The following ABHD3 variants were observed in gnomAD, a reference collection of about 807,000 sequenced individuals.
ABHD3 encodes phospholipase ABHD3.
A neutral mutation model predicts 48.8 loss-of-function variants in ABHD3; 46 were observed. The ratio of observed to expected loss-of-function variants is 0.94; its 90% CI spans 0.74 to 1.20. ABHD3 has a LOEUF of 1.20. Ranked by LOEUF, ABHD3 falls within the 50% of genes most tolerant of loss-of-function variation. The pLI, the probability that ABHD3 is intolerant of heterozygous loss-of-function variation, is 0.00. For synonymous variants in ABHD3, 192 were observed against 183.7 expected, an observed-to-expected ratio of 1.04 and a Z score of -0.36; for missense variants, 490 against 497.8, an observed-to-expected ratio of 0.98 and a Z score of 0.15.
intron 4 of ABHD3, among the ~76,000 whole-genome samples, chr18:21,681,388 A>T (rs2040001579): frequency 6.6e-6 from 1 of 152,000 alleles, no homozygotes; most frequent in Non-Finnish European, 1.5e-5. Flanking sequence ...CCACAATACG[A>T]CTAATACTAT....
At chr18:21,696,011 T>G (rs1218904118) in intron 3 of ABHD3, among the ~76,000 whole-genome samples, 1 of 152,216 alleles carries the variant, frequency 6.6e-6, no homozygotes. Flanking sequence ...AATACAATGG[T>G]AAATGAAGGC....
intron 3 of ABHD3, chr18:21,701,848 C>T (rs926945362): frequency 1.3e-5 from 2 of 152,324 alleles, no homozygotes; most frequent in Non-Finnish European, 2.9e-5. Context: ...CAGAGATCAC[C>T]TTTGATAAAT....
In ABHD3 at chr18:21,656,876, A is replaced by C. The variant is rs760158384; in HGVS notation, c.1042T>G (p.Phe348Val). The change falls in exon 8 of 9, where the codon TTC becomes GTC. Residue 348 changes from phenylalanine (F) to valine (V), a missense_variant. Transcript: ENST00000289119. ...VLCLNSVDDV[F>V]SPSHAIPIET... is the part of the protein sequence containing the mutation. ...TTAATTTTACCATGACTGGGTGAGA[A>C]AACATCATCCACAGAATTTAGACAC... 1 of 1,598,298 alleles carries C rather than the reference A, an allele frequency of 6.3e-7. No homozygotes were observed. The highest frequency in any genetic ancestry group is 8.6e-7 in the Non-Finnish European group (1 of 1,169,442).
At chr18:21,665,386 T>C (rs535223441) in intron 4 of ABHD3, among the ~76,000 whole-genome samples, 1 of 152,040 alleles carries the variant, frequency 6.6e-6, no homozygotes, top group Non-Finnish European at 1.5e-5. Flanking sequence ...ACTATAGGCA[T>C]GCACCACCAT....
intron 4 of ABHD3, among the ~76,000 whole-genome samples, chr18:21,678,517 G>C (rs2039938889): frequency 6.6e-6 from 1 of 151,798 alleles, no homozygotes; most frequent in African/African-American, 2.4e-5. Context: ...CTACAGATTT[G>C]CCTATTTTGA....
chr18:21,659,354 G>A lies in ABHD3; in HGVS notation c.669-11C>T. 1 of 1,600,340 alleles carries A rather than the reference G, an allele frequency of 6.2e-7. No individual in the cohort carries two copies. The highest frequency in any genetic ancestry group is 8.5e-7 in the Non-Finnish European group (1 of 1,175,022). On this transcript the variant is annotated splice_polypyrimidine_tract_variant and intron_variant, in intron 5 of 8. Transcript: ENST00000289119. The stretch of plus-strand genomic sequence containing the variant: ...TTTAGAAGCAGCATTCTAAAATGGG[G>A]AGAAACAGGAAACTCAGTGATTAAT...
chr18:21,681,142 G>C (rs548873482), intron 4 of ABHD3, among the ~76,000 whole-genome samples: 2 of 151,974 alleles, frequency 1.3e-5, no homozygotes, highest in Admixed American at 6.6e-5. Flanking sequence ...ATCTCAGTCT[G>C]TCTCTCTCTT....
At chr18:21,653,369 G>GA (rs1339584955) in intron 8 of ABHD3, among the ~76,000 whole-genome samples, 1 of 150,848 alleles carries the variant, frequency 6.6e-6, no homozygotes, top group African/African-American at 2.4e-5. Context: ...GGCTGGTCTA[G>GA]AACTCCTGAC....
chr18:21,652,262 G>A (rs1347128347), intron 8 of ABHD3, among the ~76,000 whole-genome samples: 1 of 152,094 alleles, frequency 6.6e-6, no homozygotes, highest in African/African-American at 2.4e-5. Context: ...GGAGGCCGAA[G>A]TGAGAGGATC....
intron 3 of ABHD3, among the ~76,000 whole-genome samples, chr18:21,699,174 A>G (rs1393911353): frequency 6.6e-6 from 1 of 151,010 alleles, no homozygotes; most frequent in Non-Finnish European, 1.5e-5. Context: ...TCAGCCTCCC[A>G]AAGTGTTGGG....
intron 6 of ABHD3, among the ~76,000 whole-genome samples, chr18:21,658,838 G>GTTTT (rs564228924): frequency 2.2e-5 from 3 of 136,648 alleles, no homozygotes; most frequent in African/African-American, 5.3e-5. Flanking sequence ...GGAGACAATA[G>GTTTT]TTTTTTTTTT....
chr18:21,663,894 TC>T, intron 5 of ABHD3: 1 of 1,441,722 alleles, frequency 6.9e-7, no homozygotes, highest in Non-Finnish European at 9.0e-7. Flanking sequence ...GCTCACAAAA[TC>T]CGCAGTCACA....
chr18:21,674,243 CTTT>C (rs34344524), intron 4 of ABHD3, among the ~76,000 whole-genome samples: 10 of 141,612 alleles, frequency 7.1e-5, no homozygotes, highest in Admixed American at 1.4e-4. Context: ...TTATTTTGAA[CTTT>C]TTTTTTTTTT....
chr18:21,693,239 T>C (rs2040292843), intron 3 of ABHD3, among the ~76,000 whole-genome samples: 1 of 152,226 alleles, frequency 6.6e-6, no homozygotes, highest in South Asian at 2.1e-4. Flanking sequence ...ATGTTTGCCA[T>C]AGGCCCTGTA....
At chr18:21,700,394 T>A (rs1568165929) in intron 3 of ABHD3, among the ~76,000 whole-genome samples, 1 of 150,570 alleles carries the variant, frequency 6.6e-6, no homozygotes. Context: ...CTGGCCCAAA[T>A]TTTTTTGTTT....
Position 21,653,052 on chromosome 18 carries a change from CAAAAAAA to C in ABHD3, c.1058-1296_1058-1290del, listed in dbSNP as rs745321830. On this transcript the variant is annotated intron_variant, in intron 8 of 8. Transcript: ENST00000289119. Reference sequence around the variant, plus strand: ...TGGGCGACAGAGCAAGACTCCATCTCAAAAAAAAAAAAAAAAAAAAAAAAAAAAGAGC... The same window carrying C: ...TGGGCGACAGAGCAAGACTCCATCTCAAAAAAAAAAAAAAAAAAAAAGAGC... Among the ~76,000 whole-genome samples, 13 of 4,902 alleles carry C rather than the reference CAAAAAAA, an allele frequency of 2.7e-3. No individual in the cohort carries two copies. In the South Asian group the frequency reaches 0.043, roughly 16 times the overall value. The allele number at this position is 4,902 out of a possible 152,430, so 3.2% of individuals were successfully genotyped here.
intron 8 of ABHD3, 85 bp from the exon 9 acceptor site, chr18:21,651,848 T>C: frequency 1.6e-6 from 2 of 1,227,796 alleles, no homozygotes; most frequent in South Asian, 3.2e-5. Context: ...GAAAAGCATA[T>C]ACCTTTATCA....
intron 5 of ABHD3, among the ~76,000 whole-genome samples, chr18:21,659,760 C>G (rs144948178): frequency 7.2e-5 from 11 of 152,002 alleles, no homozygotes; most frequent in African/African-American, 1.2e-4. Context: ...CCTCCACCCC[C>G]CTGGTTCAAG....
intron 8 of ABHD3, among the ~76,000 whole-genome samples, chr18:21,654,039 A>G (rs963966834): frequency 1.3e-5 from 2 of 150,336 alleles, no homozygotes; most frequent in African/African-American, 2.5e-5. Flanking sequence ...TTTAGTAGAG[A>G]TGGGGTTTCA....
Sources: allele counts gnomAD v4.1 joint callset (sites outside exome capture counted in the v4.1 genomes callset), GRCh38; gene constraint gnomAD v4.1.1; transcripts MANE v1.5; gene names NCBI Gene and HGNC (gene_info 2026-07-23, HGNC 2026-07-21).